Variants in THNSL1 observed in about 807,000 individuals in gnomAD.
THNSL1 encodes threonine synthase-like 1.
In THNSL1, 48 loss-of-function variants were observed where a neutral mutation model predicts 50.4. That is an observed-to-expected ratio of 0.95 (90% CI 0.76 to 1.21). The LOEUF is 1.21. Ranked by LOEUF, THNSL1 falls within the 50% of genes most tolerant of loss-of-function variation. The pLI is 0.00. For synonymous variants in THNSL1, 309 were observed against 306.1 expected, an observed-to-expected ratio of 1.01 and a Z score of -0.10; for missense variants, 896 against 871.7, an observed-to-expected ratio of 1.03 and a Z score of -0.35.
At chr10:24,968,831 C>T in the THNSL1 span, among the ~76,000 whole-genome samples, 233 of 152,318 alleles carry the variant, frequency 1.5e-3, 1 homozygote, top group Admixed American at 5.2e-3. Flanking sequence ...AGACAGAAGT[C>T]GAATCACATA....
rs745868431 is a variant in THNSL1, at chr10:25,024,851, T to G, written c.1628T>G (p.Phe543Cys). The G allele has an allele frequency of 1.2e-6, 2 of 1,614,074 alleles. No individual in the cohort carries two copies. The highest frequency in any genetic ancestry group is 2.2e-5 in the South Asian group (2 of 91,070). ...ASNQNHVLTD[F>C]IKTGHYDLRE... ...AATCAGAACCATGTTTTGACTGATT[T>G]TATAAAAACAGGACATTATGATCTA... Residue 543 changes from phenylalanine to cysteine, a missense_variant, in exon 3 of 3, where the codon TTT becomes TGT. Phe to Cys is a radical substitution (Grantham distance 205). Transcript: ENST00000376356.
chr10:24,990,335 T>C, the THNSL1 span: 6 of 1,258,328 alleles, frequency 4.8e-6, no homozygotes, highest in Admixed American at 2.9e-5. Flanking sequence ...AGTTTTTAAC[T>C]GTAACCCAAA....
At chr10:24,966,628 G>A in the THNSL1 span, among the ~76,000 whole-genome samples, 6 of 152,170 alleles carry the variant, frequency 3.9e-5, no homozygotes, top group African/African-American at 1.4e-4. Context: ...GAAGGATGCT[G>A]GAGATTAAGT....
Position 25,020,751 on chromosome 10 carries a change from A to G in THNSL1, c.-215-991A>G, listed in dbSNP as rs1176362664. Among the ~76,000 whole-genome samples, 7 of 152,196 alleles carry G rather than the reference A, an allele frequency of 4.6e-5. 1 individual carries two copies. Among genetic ancestry groups the G allele is most frequent in the African/African-American group, 1.4e-4 (6 of 41,508 alleles). ...GGAAGACCCTTTCTCAAAAAAAAAA[A>G]AAAAATTACTGCTCATGAAAACCAT... On this transcript the variant is annotated intron_variant, in intron 1 of 2. Coordinates refer to ENST00000376356, the MANE Select transcript of THNSL1 (RefSeq NM_024838.5).
At chr10:25,014,219 C>A (rs1049253555), upstream of THNSL1, among the ~76,000 whole-genome samples, 4 of 152,110 alleles carry the variant, frequency 2.6e-5, no homozygotes, top group African/African-American at 9.7e-5. Context: ...TATTTCAGTT[C>A]CCCAAAAAGA....
At chr10:25,022,469 T>C (rs992801715) in intron 2 of THNSL1, among the ~76,000 whole-genome samples, 7 of 152,208 alleles carry the variant, frequency 4.6e-5, no homozygotes, top group Non-Finnish European at 8.8e-5. Flanking sequence ...TTGTATAATA[T>C]ACCTTTCACC....
the THNSL1 span, among the ~76,000 whole-genome samples, chr10:24,978,644 A>G: frequency 1.3e-5 from 2 of 152,168 alleles, no homozygotes; most frequent in African/African-American, 4.8e-5. Flanking sequence ...TTGAAAAATT[A>G]GTGACAATTT....
chr10:24,972,848 G>A, the THNSL1 span, among the ~76,000 whole-genome samples: 1 of 152,178 alleles, frequency 6.6e-6, no homozygotes, highest in African/African-American at 2.4e-5. Flanking sequence ...GATATTTTAG[G>A]ATTACAGCAG....
the THNSL1 span, among the ~76,000 whole-genome samples, chr10:24,955,842 G>C: frequency 6.6e-6 from 1 of 152,124 alleles, no homozygotes; most frequent in Admixed American, 6.5e-5. Flanking sequence ...AGCTACTGGG[G>C]AGGCTGAGCT....
upstream of THNSL1, among the ~76,000 whole-genome samples, chr10:25,014,641 T>C (rs181839653): frequency 3.0e-3 from 464 of 152,356 alleles, 2 homozygotes; most frequent in African/African-American, 0.011. Flanking sequence ...CAATCTGTTA[T>C]AGAGGAGTTT....
chr10:24,990,537 G>C, the THNSL1 span: 31 of 1,613,854 alleles, frequency 1.9e-5, no homozygotes, highest in Non-Finnish European at 2.4e-5. Context: ...TGGATATAAC[G>C]ATCATAGTCT....
intron 1 of THNSL1, among the ~76,000 whole-genome samples, chr10:25,017,927 C>T (rs1322201917): frequency 6.6e-6 from 1 of 152,278 alleles, no homozygotes; most frequent in South Asian, 2.1e-4. Flanking sequence ...AGTGGATAGT[C>T]ACTGGCTAAA....
chr10:25,007,726 G>T, the THNSL1 span, among the ~76,000 whole-genome samples: 1 of 152,004 alleles, frequency 6.6e-6, no homozygotes, highest in South Asian at 2.1e-4. Flanking sequence ...GAGCGACTGC[G>T]CCCAGCCACG....
upstream of THNSL1, among the ~76,000 whole-genome samples, chr10:25,013,432 T>A (rs1294357316): frequency 1.3e-5 from 2 of 152,334 alleles, no homozygotes; most frequent in African/African-American, 2.4e-5. Context: ...CCAACCTTAG[T>A]CAAAATCCAT....
Position 25,023,367 on chromosome 10 carries a change from A to T in THNSL1, c.144A>T (p.Ser48=). 1 of 1,614,180 alleles carries T rather than the reference A, an allele frequency of 6.2e-7. No individual in the cohort carries two copies. The highest frequency in any genetic ancestry group is 1.1e-5 in the South Asian group (1 of 91,086). Residue 48 remains serine (S), a synonymous_variant, in exon 3 of 3, where the codon TCA becomes TCT. Coordinates refer to ENST00000376356, the MANE Select transcript of THNSL1 (RefSeq NM_024838.5). ...CGGAATTGAGGAAGTCATGGTATTC[A>T]ACCCACTCTCTTGTTGGAGACAAAA... The part of the protein sequence containing the change: ...ALAELRKSWY[S]THSLVGDKNI...
chr10:24,975,593 C>T, the THNSL1 span, among the ~76,000 whole-genome samples: 50 of 152,232 alleles, frequency 3.3e-4, 1 homozygote, highest in Middle Eastern at 3.4e-3. Flanking sequence ...AGTGAGTTCT[C>T]GTGAGATCTC....
At chr10:24,998,988 T>C in the THNSL1 span, among the ~76,000 whole-genome samples, 1 of 152,192 alleles carries the variant, frequency 6.6e-6, no homozygotes, top group African/African-American at 2.4e-5. Flanking sequence ...CAGTAGTTGC[T>C]TCAACAACTG....
At chr10:24,979,736 C>T in the THNSL1 span, among the ~76,000 whole-genome samples, 1 of 152,158 alleles carries the variant, frequency 6.6e-6, no homozygotes, top group Non-Finnish European at 1.5e-5. Context: ...TCTATCTTTC[C>T]ATCTCTTGAT....
At chr10:24,969,899 A>C in the THNSL1 span, among the ~76,000 whole-genome samples, 1 of 152,216 alleles carries the variant, frequency 6.6e-6, no homozygotes, top group Non-Finnish European at 1.5e-5. Context: ...CACAGCAAAC[A>C]TGATGATACA....
Sources: allele counts gnomAD v4.1 joint callset (sites outside exome capture counted in the v4.1 genomes callset), GRCh38; gene constraint gnomAD v4.1.1; transcripts MANE v1.5; gene names NCBI Gene and HGNC (gene_info 2026-07-23, HGNC 2026-07-21).